The following DAB1 variants were observed in gnomAD, a reference collection of about 807,000 sequenced individuals.
DAB1 encodes DAB adaptor protein 1.
Under a neutral mutation model 64.6 loss-of-function variants are expected in DAB1, and 15 were observed. The observed-to-expected ratio is 0.23, with a 90% confidence interval of 0.16 to 0.36. DAB1 has a LOEUF of 0.36. Ranked by LOEUF, DAB1 falls within the 10% of genes least tolerant of loss-of-function variation. The pLI is 1.00. For synonymous variants in DAB1, 235 were observed against 251.9 expected (o/e 0.93, Z 0.64); for missense variants, 596 against 706.7 (o/e 0.84, Z 1.78).
intron 1 of DAB1, among the ~76,000 whole-genome samples, chr1:57,310,335 G>A (rs1172384387): frequency 6.6e-6 from 1 of 152,140 alleles, no homozygotes; most frequent in African/African-American, 2.4e-5. Flanking sequence ...TTGAGGCAGA[G>A]GGAACAGCAA....
At chr1:57,436,185 G>A (rs1482867658) in intron 7 of DAB1, among the ~76,000 whole-genome samples, 1 of 152,012 alleles carries the variant, frequency 6.6e-6, no homozygotes, top group Non-Finnish European at 1.5e-5. Context: ...CCAAAGTGTT[G>A]GGATTACAGG....
intron 6 of DAB1, among the ~76,000 whole-genome samples, chr1:57,654,664 C>T (rs1459114226): frequency 3.3e-5 from 5 of 152,112 alleles, no homozygotes; most frequent in Admixed American, 6.5e-5. Flanking sequence ...CTCATTTTTT[C>T]TTAATCTAGC....
intron 5 of DAB1, among the ~76,000 whole-genome samples, chr1:57,916,663 C>A (rs141067684): frequency 6.6e-6 from 1 of 152,172 alleles, no homozygotes; most frequent in Non-Finnish European, 1.5e-5. Context: ...GTAGGCCAGG[C>A]GTGGTGGCTC....
At position 57,015,094 on chromosome 1, in the gene DAB1, G is replaced by A; in HGVS notation, c.1233C>T (p.Gly411=). ...TCTGGAAATCCTTAAACGTTTCTTTGCCCATTTTCTGCCTGGGCTTGTCGG... is the reference window on the plus strand; with the variant it reads ...TCTGGAAATCCTTAAACGTTTCTTTACCCATTTTCTGCCTGGGCTTGTCGG... ...PQTDKPRQKM[G]KETFKDFQMA... The change falls in exon 12 of 15, where the codon GGC becomes GGT. Residue 411 remains glycine (G), a synonymous_variant. Coordinates refer to ENST00000371236, the MANE Select transcript of DAB1 (RefSeq NM_001365792.1). The A allele has an allele frequency of 1.2e-6, 2 of 1,614,194 alleles. No individual in the cohort carries two copies. The highest frequency in any genetic ancestry group is 1.7e-6 in the Non-Finnish European group (2 of 1,180,040).
rs193091990 is a variant in DAB1, at chr1:57,791,314, G to C, written n.551+92685C>G. Among the ~76,000 whole-genome samples, 326 of 152,220 alleles carry C rather than the reference G, an allele frequency of 2.1e-3. 2 individuals are homozygous for C. The highest frequency in any genetic ancestry group is 7.6e-3 in the African/African-American group (315 of 41,542). ...AACTGCTCTTTGAGATACATACTAT[G>C]ATCCTTTTACACACAGATCCTCCCT... On this transcript the variant is annotated intron_variant and non_coding_transcript_variant, in intron 6 of 20. Transcript: ENST00000485760.
chr1:57,644,454 T>C (rs1255804379), intron 7 of DAB1, among the ~76,000 whole-genome samples: 2 of 152,144 alleles, frequency 1.3e-5, no homozygotes, highest in Non-Finnish European at 2.9e-5. Flanking sequence ...TTCCCTATTA[T>C]AAAAAGCTCA....
chr1:57,259,802 G>C (rs191904496), intron 2 of DAB1, among the ~76,000 whole-genome samples: 7 of 152,352 alleles, frequency 4.6e-5, no homozygotes, highest in Admixed American at 4.6e-4. Flanking sequence ...CATGGGTACT[G>C]AATGATTAAA....
chr1:57,559,228 C>T (rs1231671423), intron 7 of DAB1, among the ~76,000 whole-genome samples: 3 of 152,208 alleles, frequency 2.0e-5, no homozygotes, highest in African/African-American at 7.2e-5. Flanking sequence ...AAGCCTACTG[C>T]ATTTCTACTT....
chr1:57,198,874 G>A (rs767783917), intron 2 of DAB1, among the ~76,000 whole-genome samples: 31 of 152,170 alleles, frequency 2.0e-4, no homozygotes, highest in Non-Finnish European at 3.1e-4. Flanking sequence ...GAAGTGTGGG[G>A]CACTGAGTGT....
chr1:57,012,781 C>T lies in DAB1; in HGVS notation c.1445-1509G>A, dbSNP rs1402236827. Among the ~76,000 whole-genome samples, 9 of 152,134 alleles carry T rather than the reference C, an allele frequency of 5.9e-5. 1 individual carries two copies. On this transcript the variant is annotated intron_variant, in intron 12 of 14. Transcript: ENST00000371236. ...TTAATAAATATTAGCTTAATTAGAT[C>T]CTGAATTGTATTTGAAGTGGATTTT...
chr1:58,352,741 A>C (rs955297220), intron 3 of DAB1, among the ~76,000 whole-genome samples: 8 of 152,092 alleles, frequency 5.3e-5, no homozygotes, highest in Non-Finnish European at 1.0e-4. Context: ...CCCTAAAGTG[A>C]TGATATTGGG....
At chr1:58,437,605 T>G (rs545983378) in intron 3 of DAB1, among the ~76,000 whole-genome samples, 2 of 152,302 alleles carry the variant, frequency 1.3e-5, no homozygotes, top group South Asian at 4.1e-4. Flanking sequence ...CTTCCCCCAT[T>G]CCAGTATAAG....
intron 5 of DAB1, among the ~76,000 whole-genome samples, chr1:58,062,577 C>T (rs1015584328): frequency 3.9e-5 from 6 of 152,188 alleles, no homozygotes; most frequent in Admixed American, 6.5e-5. Context: ...ACAGAGTCCA[C>T]AGTCACAGAG....
intron 6 of DAB1, among the ~76,000 whole-genome samples, chr1:57,692,331 G>C (rs1646773909): frequency 6.6e-6 from 1 of 152,040 alleles, no homozygotes; most frequent in South Asian, 2.1e-4. Context: ...GAAGAGGGGA[G>C]AACAGCAGCA....
chr1:57,814,988 C>A (rs1415093104), intron 6 of DAB1, among the ~76,000 whole-genome samples: 1 of 152,098 alleles, frequency 6.6e-6, no homozygotes, highest in Non-Finnish European at 1.5e-5. Context: ...GATTCAGGAA[C>A]CATTTGTGGG....
chr1:58,344,905 A>G (rs1431497330), intron 3 of DAB1, among the ~76,000 whole-genome samples: 1 of 152,142 alleles, frequency 6.6e-6, no homozygotes. Flanking sequence ...TTTTCTCACT[A>G]CCTTTCCCAA....
In DAB1 at chr1:58,278,066, T is replaced by C. The variant is rs543782517; in HGVS notation, n.309+65286A>G. ...ATTCATATTTGAAAGCTGATATGGATTGGCTCTATGTCCCCACCCAAATCT... is the reference window on the plus strand; with the variant it reads ...ATTCATATTTGAAAGCTGATATGGACTGGCTCTATGTCCCCACCCAAATCT... On this transcript the variant is annotated intron_variant and non_coding_transcript_variant, in intron 4 of 20. Transcript: ENST00000485760. 2.6e-5 allele frequency among the ~76,000 whole-genome samples: 4 copies of C among 152,350 alleles called. No individual in the cohort carries two copies. The East Asian group carries it at 7.7e-4, about 29-fold the overall frequency.
intron 1 of DAB1, among the ~76,000 whole-genome samples, chr1:57,842,623 C>T (rs1041566215): frequency 1.3e-5 from 2 of 152,150 alleles, no homozygotes; most frequent in African/African-American, 4.8e-5. Context: ...AAGGCAAGAA[C>T]CTTCTTCACA....
chr1:58,164,189 TAAAA>T (rs71691727), intron 4 of DAB1, among the ~76,000 whole-genome samples: 1 of 115,472 alleles, frequency 8.7e-6, no homozygotes, highest in Non-Finnish European at 1.8e-5. Flanking sequence ...GAGCTCAGCT[TAAAA>T]AAAAAAAAAA....
Sources: gnomAD v4.1 joint callset for allele counts (sites outside exome capture counted in the v4.1 genomes callset) on GRCh38, gnomAD v4.1.1 for gene constraint, MANE v1.5 for transcripts, NCBI Gene and HGNC (gene_info 2026-07-23, HGNC 2026-07-21) for gene names.